TPH1: variants seen among roughly 807,000 people sequenced by gnomAD.
The protein encoded by TPH1 is tryptophan 5-hydroxylase 1.
A neutral mutation model predicts 49.5 loss-of-function variants in TPH1; 37 were observed. The ratio of observed to expected loss-of-function variants is 0.75; its 90% CI spans 0.58 to 0.98. The LOEUF is 0.98. Among genes scored for constraint, TPH1 ranks in the 50% least tolerant of loss-of-function variants. The pLI is 0.00. For missense variants in TPH1, 487 were observed against 523.6 expected (o/e 0.93, Z 0.68); for synonymous variants, 160 against 182.1 (o/e 0.88, Z 0.98).
At chr11:18,038,802 A>G (rs1419044947) in intron 2 of TPH1, among the ~76,000 whole-genome samples, 1 of 152,322 alleles carries the variant, frequency 6.6e-6, no homozygotes, top group East Asian at 1.9e-4. Context: ...AAATTTAAAA[A>G]AAGCTGATGG....
chr11:18,026,412 A>AAAAAAAAAC, intron 7 of TPH1, 78 bp downstream of exon 7: 1 of 1,270,122 alleles, frequency 7.9e-7, no homozygotes, highest in Non-Finnish European at 1.1e-6. Context: ...AAAAAAAAAA[A>AAAAAAAAAC]AAAAAGAACC....
rs141449584 is a variant in TPH1, at chr11:18,026,551, G to A, written c.742C>T (p.Arg248Ter). The stretch of plus-strand genomic sequence containing the variant: ...ACATATTGAGTGCAGTGAAAAACTC[G>A]AAAGGCTAAACCTGATAAGAAATCT... Reference protein sequence around the residue: ...PRDFLSGLAFRVFHCTQYVRH... With the variant: ...PRDFLSGLAF The change falls in exon 7 of 11, where the codon CGA (arginine) becomes TGA (stop). Residue 248 changes from arginine to a stop codon, truncating the protein, a stop_gained. Coordinates refer to ENST00000682019, the MANE Select transcript of TPH1 (RefSeq NM_004179.3). LOFTEE classifies it high-confidence loss of function. 5.9e-5 allele frequency: 96 copies of A among 1,613,904 alleles called. No individual in the cohort carries two copies. In the East Asian group the frequency reaches 1.1e-3, roughly 18 times the overall value.
At chr11:18,044,422 A>G (rs1848124078) in intron 1 of TPH1, among the ~76,000 whole-genome samples, 1 of 151,422 alleles carries the variant, frequency 6.6e-6, no homozygotes, top group Non-Finnish European at 1.5e-5. Flanking sequence ...ACTGCGTCTC[A>G]AAAAAAAAGA....
At chr11:18,023,233 C>T (rs745347026) in intron 9 of TPH1, 11 of 365,218 alleles carry the variant, frequency 3.0e-5, no homozygotes, top group Non-Finnish European at 5.2e-5. Flanking sequence ...TACTTTCTAC[C>T]CAACACTAGT....
rs111482835 is a variant in TPH1, at chr11:18,025,858, T to G, written c.804-157A>C. 8.5e-5 allele frequency among the ~76,000 whole-genome samples: 13 copies of G among 152,232 alleles called. 1 individual carries two copies. The highest frequency in any genetic ancestry group is 3.1e-4 in the African/African-American group (13 of 41,540). ...GACACTAATCAAATAAAGAAACAAT[T>G]TTGGTTCAAAACCTTGGCCACTCAG... On this transcript the variant is annotated intron_variant, in intron 7 of 10. Coordinates refer to ENST00000682019, the MANE Select transcript of TPH1 (RefSeq NM_004179.3).
rs1441929871 is a variant in TPH1 at position 18,029,160 on chromosome 11, A to C, written c.667+5T>G. The C allele has an allele frequency of 6.2e-7, 1 of 1,601,198 alleles. No individual in the cohort carries two copies. The highest frequency in any genetic ancestry group is 8.6e-7 in the Non-Finnish European group (1 of 1,169,142). ...TCCCTTACAAAAAATTAATTAGCTT[A>C]TTACCTTTTAAAAAGTTGGAGACAT... On this transcript the variant is annotated splice_donor_5th_base_variant and intron_variant, in intron 6 of 10. Coordinates refer to ENST00000682019, the MANE Select transcript of TPH1 (RefSeq NM_004179.3).
At position 18,018,661 on chromosome 11, in the gene TPH1, G is replaced by C. The variant is rs887329882; in HGVS notation, c.*2330C>G. On this transcript the variant is annotated 3_prime_UTR_variant, in exon 11 of 11. Coordinates refer to ENST00000682019, the MANE Select transcript of TPH1 (RefSeq NM_004179.3). ...AGCCTGGGCGACAGAGCAAGACTCC[G>C]TCTCAAAAAAAAAAAAAAAAAAAAA... 2 of 59,952 alleles carry C rather than the reference G, an allele frequency of 3.3e-5. No individual in the cohort carries two copies. The highest frequency in any genetic ancestry group is 5.6e-5 in the Non-Finnish European group (2 of 35,624). 3.7% of individuals were successfully genotyped at this position (59,952 alleles called of 1,614,324 possible).
intron 8 of TPH1, among the ~76,000 whole-genome samples, chr11:18,024,436 T>C (rs1847907190): frequency 6.6e-6 from 1 of 152,110 alleles, no homozygotes; most frequent in African/African-American, 2.4e-5. Context: ...ACAGATGGAG[T>C]CTCGTGTCTG....
intron 3 of TPH1, among the ~76,000 whole-genome samples, chr11:18,035,381 CT>C (rs1349249060): frequency 7.0e-6 from 1 of 143,070 alleles, no homozygotes; most frequent in South Asian, 2.3e-4. Context: ...TTCTTTCTTT[CT>C]TTTCTTTCTT....
chr11:18,023,940 C>G lies in TPH1; in HGVS notation c.974G>C (p.Gly325Ala). 6.2e-7 allele frequency: 1 copy of G among 1,613,480 alleles called. No homozygotes were observed. Among genetic ancestry groups the G allele is most frequent in the Non-Finnish European group, 8.5e-7 (1 of 1,179,720 alleles). ...TVEFGLCKQD[G>A]QLRVFGAGLL... is the part of the protein sequence containing the mutation. ...GCCAGCACCAAAGACTCTTAGCTGT[C>G]CATCTTGTTTACATAGACCAAACTC... Residue 325 changes from glycine (G) to alanine (A), a missense_variant, in exon 9 of 11, where the codon GGA becomes GCA. Coordinates refer to ENST00000682019, the MANE Select transcript of TPH1 (RefSeq NM_004179.3).
At chr11:18,023,683 C>A (rs1481947444) in intron 9 of TPH1, among the ~76,000 whole-genome samples, 1 of 151,976 alleles carries the variant, frequency 6.6e-6, no homozygotes, top group Non-Finnish European at 1.5e-5. Flanking sequence ...ATCTATCTAT[C>A]TATCTATACA....
At chr11:18,042,571 A>C (rs2134036311) in intron 1 of TPH1, 1 of 270,374 alleles carries the variant, frequency 3.7e-6, no homozygotes, top group South Asian at 3.7e-5. Flanking sequence ...AGGGAGGATA[A>C]TTAACACCAC....
chr11:18,022,134 CA>C (rs1174889875), intron 10 of TPH1, among the ~76,000 whole-genome samples: 1 of 152,188 alleles, frequency 6.6e-6, no homozygotes, highest in Non-Finnish European at 1.5e-5. Context: ...GATTCTCCTT[CA>C]AAAGTCTTTT....
intron 1 of TPH1, 78 bp from the exon 2 acceptor site, chr11:18,040,866 T>C: frequency 7.3e-7 from 1 of 1,362,188 alleles, no homozygotes; most frequent in Non-Finnish European, 1.0e-6. Context: ...TAAGGGCTCA[T>C]TTACTTCTAG....
chr11:18,042,482 T>C (rs997795083), intron 1 of TPH1: 2 of 366,374 alleles, frequency 5.5e-6, no homozygotes, highest in Non-Finnish European at 1.1e-5. Flanking sequence ...AACAAATTGC[T>C]AGTAATAAAT....
In TPH1 at chr11:18,040,646, C is replaced by T. The variant is rs1848091647; in HGVS notation, c.117G>A (p.Gln39=). ...GGLIKALKIF[Q]EKHVNLLHIE... is the part of the protein sequence containing the mutation. ...GTGCAAAAATACAGAAAATGCTTAC[C>T]TGAAAGATTTTCAGGGCTTTTATAA... Residue 39 remains glutamine (Q), a splice_region_variant and synonymous_variant, in exon 2 of 11, where the codon CAG becomes CAA. Coordinates refer to ENST00000682019, the MANE Select transcript of TPH1 (RefSeq NM_004179.3). 3 of 1,610,534 alleles carry T rather than the reference C, an allele frequency of 1.9e-6. No homozygotes were observed. The highest frequency in any genetic ancestry group is 2.2e-5 in the East Asian group (1 of 44,752).
At chr11:18,043,118 TAAG>T (rs963550752) in intron 1 of TPH1, among the ~76,000 whole-genome samples, 1 of 152,206 alleles carries the variant, frequency 6.6e-6, no homozygotes, top group African/African-American at 2.4e-5. Flanking sequence ...TCTGCAAATA[TAAG>T]CTATTTCCTG....
rs1854323074 is a variant in TPH1, at chr11:18,018,669, A to T, written c.*2322T>A. ...CGACAGAGCAAGACTCCGTCTCAAA[A>T]AAAAAAAAAAAAAAAAAAAAAAAAA... On this transcript the variant is annotated 3_prime_UTR_variant, in exon 11 of 11. Transcript: ENST00000682019. 1 of 43,466 alleles carries T rather than the reference A, an allele frequency of 2.3e-5. No individual in the cohort carries two copies. The highest frequency in any genetic ancestry group is 4.7e-5 in the Non-Finnish European group (1 of 21,360). The allele number at this position is 43,466 out of a possible 1,614,324, so 2.7% of individuals were successfully genotyped here. A position where few individuals can be genotyped will look rare whatever the true frequency, so the allele number is the denominator to read the frequency against.
In TPH1 at chr11:18,040,620, T is replaced by G. The variant is rs201493457; in HGVS notation, c.117+26A>C. 35 of 1,600,172 alleles carry G rather than the reference T, an allele frequency of 2.2e-5. No individual in the cohort carries two copies. In the East Asian group the frequency reaches 3.1e-4, roughly 14 times the overall value. ...TAGAGATTCATTTCTAGAAGAATTCTGTGCAAAAATACAGAAAATGCTTAC... is the reference window on the plus strand; with the variant it reads ...TAGAGATTCATTTCTAGAAGAATTCGGTGCAAAAATACAGAAAATGCTTAC... On this transcript the variant is annotated intron_variant, in intron 2 of 10. Transcript: ENST00000682019.
Sources: gnomAD v4.1 joint callset for allele counts (sites outside exome capture counted in the v4.1 genomes callset) on GRCh38, gnomAD v4.1.1 for gene constraint, MANE v1.5 for transcripts, NCBI Gene and HGNC (gene_info 2026-07-23, HGNC 2026-07-21) for gene names.